SPIDR: variants seen among roughly 807,000 people sequenced by gnomAD.
SPIDR encodes the protein DNA repair-scaffolding protein.
SPIDR carries 93 observed loss-of-function variants against 104.6 expected under a neutral mutation model. The ratio of observed to expected loss-of-function variants is 0.89; its 90% CI spans 0.75 to 1.06. The LOEUF is 1.06. Ranked by LOEUF, SPIDR falls within the 50% of genes least tolerant of loss-of-function variation. SPIDR has a pLI of 0.00. For missense variants in SPIDR, 1,154 were observed against 1,111.2 expected, an observed-to-expected ratio of 1.04 and a Z score of -0.55; for synonymous variants, 431 against 416.9, an observed-to-expected ratio of 1.03 and a Z score of -0.41.
intron 11 of SPIDR, among the ~76,000 whole-genome samples, chr8:47,695,046 G>T (rs1400272932): frequency 6.6e-6 from 1 of 152,110 alleles, no homozygotes; most frequent in Non-Finnish European, 1.5e-5. Flanking sequence ...GGAGATGATG[G>T]ATTATCATCT....
chr8:47,404,703 G>A (rs992420687), intron 6 of SPIDR, among the ~76,000 whole-genome samples: 24 of 152,042 alleles, frequency 1.6e-4, no homozygotes, highest in Non-Finnish European at 2.9e-4. Context: ...AGGAAACAAC[G>A]GGTGCTGGAG....
intron 5 of SPIDR, among the ~76,000 whole-genome samples, chr8:47,360,166 C>T (rs894710786): frequency 5.5e-5 from 7 of 128,298 alleles, no homozygotes; most frequent in African/African-American, 1.7e-4. Context: ...GGCATGAACC[C>T]GGGAGGCGGA....
At chr8:47,273,989 T>C (rs1225400182) in intron 1 of SPIDR, among the ~76,000 whole-genome samples, 2 of 152,170 alleles carry the variant, frequency 1.3e-5, no homozygotes, top group Non-Finnish European at 1.5e-5. Flanking sequence ...TCTAATCACT[T>C]GGCCTTTTTG....
intron 8 of SPIDR, among the ~76,000 whole-genome samples, chr8:47,531,117 A>G (rs1002316056): frequency 1.2e-4 from 19 of 152,152 alleles, no homozygotes; most frequent in Non-Finnish European, 2.9e-5. Flanking sequence ...GGTTGGTCCC[A>G]AACTCCTAGC....
intron 5 of SPIDR, among the ~76,000 whole-genome samples, chr8:47,339,009 A>G (rs2050254169): frequency 6.6e-6 from 1 of 152,236 alleles, no homozygotes; most frequent in South Asian, 2.1e-4. Context: ...TAAAAGTACT[A>G]CTTAGAGTGA....
At chr8:47,663,293 C>T (rs2074399264) in intron 10 of SPIDR, among the ~76,000 whole-genome samples, 2 of 152,218 alleles carry the variant, frequency 1.3e-5, no homozygotes, top group South Asian at 4.1e-4. Flanking sequence ...CTCTTTATTT[C>T]CTTCCTATCA....
intron 8 of SPIDR, among the ~76,000 whole-genome samples, chr8:47,565,835 A>C (rs1026616981): frequency 9.3e-5 from 14 of 150,070 alleles, no homozygotes; most frequent in Non-Finnish European, 1.9e-4. Flanking sequence ...TATATTAACA[A>C]GATTTTGATA....
At chr8:47,443,568 C>T (rs1410188436) in intron 8 of SPIDR, among the ~76,000 whole-genome samples, 19 of 120,986 alleles carry the variant, frequency 1.6e-4, no homozygotes, top group African/African-American at 5.5e-4. Flanking sequence ...AAGACCCTGT[C>T]GCCAAAAAAA....
At chr8:47,353,052 CAAAA>C (rs57853552) in intron 5 of SPIDR, among the ~76,000 whole-genome samples, 8 of 75,552 alleles carry the variant, frequency 1.1e-4, no homozygotes, top group South Asian at 5.5e-4. Flanking sequence ...GACTCTATCT[CAAAA>C]AAAAAAAAAA....
chr8:47,658,029 C>CAAAAAAAAAAAAAA (rs34648437), intron 10 of SPIDR, among the ~76,000 whole-genome samples: 2 of 76,038 alleles, frequency 2.6e-5, no homozygotes, highest in African/African-American at 5.0e-5. Context: ...GACCCTGTCT[C>CAAAAAAAAAAAAAA]AAAAAAAAAA....
chr8:47,485,288 C>T (rs1053769012), intron 8 of SPIDR, among the ~76,000 whole-genome samples: 12 of 152,282 alleles, frequency 7.9e-5, no homozygotes, highest in South Asian at 4.1e-4. Flanking sequence ...AACTGCAAGG[C>T]GGCAGCGAGG....
intron 10 of SPIDR, among the ~76,000 whole-genome samples, chr8:47,617,776 T>TA (rs1340755817): frequency 6.6e-6 from 1 of 152,152 alleles, no homozygotes; most frequent in Non-Finnish European, 1.5e-5. Flanking sequence ...CCATAATAAG[T>TA]TTTGTCCTGG....
At chr8:47,660,857 G>C (rs1042805663) in intron 10 of SPIDR, 3 of 696,488 alleles carry the variant, frequency 4.3e-6, no homozygotes, top group South Asian at 6.4e-5. Context: ...CCCTTAATGA[G>C]AGGGAACCCT....
chr8:47,330,649 T>C, intron 5 of SPIDR: 3 of 379,944 alleles, frequency 7.9e-6, no homozygotes, highest in South Asian at 2.0e-5. Flanking sequence ...CTTAGTAATA[T>C]GTATTGAACT....
intron 14 of SPIDR, among the ~76,000 whole-genome samples, chr8:47,709,207 C>T (rs2081497410): frequency 6.6e-6 from 1 of 152,060 alleles, no homozygotes; most frequent in Admixed American, 6.6e-5. Context: ...GTGGCATGAC[C>T]TCGGCTCACT....
At chr8:47,363,364 C>T (rs2056510105) in intron 5 of SPIDR, among the ~76,000 whole-genome samples, 1 of 151,442 alleles carries the variant, frequency 6.6e-6, no homozygotes, top group African/African-American at 2.4e-5. Flanking sequence ...CGCCGCTACT[C>T]CCGGCTAATT....
chr8:47,425,586 A>G (rs1190637716), intron 7 of SPIDR, among the ~76,000 whole-genome samples: 2 of 152,178 alleles, frequency 1.3e-5, no homozygotes, highest in Admixed American at 6.5e-5. Context: ...AAGTTTTGCT[A>G]TCTATTTGTT....
chr8:47,551,677 C>T (rs1450685373), intron 8 of SPIDR, among the ~76,000 whole-genome samples: 1 of 152,092 alleles, frequency 6.6e-6, no homozygotes, highest in African/African-American at 2.4e-5. Context: ...CTTTATCAGT[C>T]TTGCTAGCGG....
intron 8 of SPIDR, among the ~76,000 whole-genome samples, chr8:47,566,613 G>A (rs2057889183): frequency 6.6e-6 from 1 of 151,012 alleles, no homozygotes; most frequent in Admixed American, 6.6e-5. Flanking sequence ...TATTTTTTGA[G>A]AAGGAGCCTC....
Sources: gnomAD v4.1 joint callset for allele counts (sites outside exome capture counted in the v4.1 genomes callset) on GRCh38, gnomAD v4.1.1 for gene constraint, MANE v1.5 for transcripts, NCBI Gene and HGNC (gene_info 2026-07-23, HGNC 2026-07-21) for gene names.